The following FCHSD2 variants were observed in gnomAD, a reference collection of about 807,000 sequenced individuals.
FCHSD2 encodes the protein F-BAR and double SH3 domains protein 2.
A neutral mutation model predicts 108.1 loss-of-function variants in FCHSD2; 38 were observed. The observed-to-expected ratio is 0.35, with a 90% CI of 0.27 to 0.46. The LOEUF (loss-of-function observed/expected upper bound fraction) is 0.46, where lower values mean the gene tolerates loss of function less well. Among genes scored for constraint, FCHSD2 ranks in the 20% least tolerant of loss-of-function variants. The pLI, the probability that FCHSD2 is intolerant of heterozygous loss-of-function variation, is 1.00. For synonymous variants in FCHSD2, 279 were observed against 314.7 expected (o/e 0.89, Z 1.20); for missense variants, 751 against 897.8 (o/e 0.84, Z 2.09).
At chr11:73,005,986 C>T (rs963579150) in intron 4 of FCHSD2, among the ~76,000 whole-genome samples, 2 of 150,174 alleles carry the variant, frequency 1.3e-5, no homozygotes, top group African/African-American at 2.5e-5. Context: ...CAGCTTACTA[C>T]AGCCTCGAAC....
chr11:73,141,908 G>C lies in FCHSD2; in HGVS notation c.-31C>G, dbSNP rs538352718. 1.6e-5 allele frequency: 25 copies of C among 1,540,748 alleles called. 1 individual carries two copies. The highest frequency in any genetic ancestry group is 7.9e-5 in the Admixed American group (4 of 50,486). The stretch of plus-strand genomic sequence containing the variant: ...TGAAGGGACATCAATCCTCCCCGAC[G>C]GCAGCGTTAGCAAGGACCAGGAGGA... On this transcript the variant is annotated 5_prime_UTR_variant, in exon 1 of 20. Coordinates refer to ENST00000409418, the MANE Select transcript of FCHSD2 (RefSeq NM_014824.3).
intron 8 of FCHSD2, among the ~76,000 whole-genome samples, chr11:72,968,540 G>A (rs922315284): frequency 1.3e-5 from 2 of 152,180 alleles, no homozygotes; most frequent in African/African-American, 4.8e-5. Context: ...TTAATGGAGA[G>A]CCCTGAAGAG....
At chr11:72,851,610 G>C (rs1372375594) in intron 13 of FCHSD2, among the ~76,000 whole-genome samples, 1 of 152,108 alleles carries the variant, frequency 6.6e-6, no homozygotes, top group East Asian at 1.9e-4. Flanking sequence ...GGGCATGGTG[G>C]CATGCGCCTG....
intron 3 of FCHSD2, among the ~76,000 whole-genome samples, chr11:73,041,158 C>T (rs1411781990): frequency 1.3e-5 from 2 of 152,172 alleles, no homozygotes; most frequent in Non-Finnish European, 2.9e-5. Flanking sequence ...GATTCCATAA[C>T]TTGGCTACTA....
rs879738413 is a variant in FCHSD2, at chr11:73,119,302, C to CA, written c.119+20728dup. Reference sequence around the variant, plus strand: ...TGCACAACAGAGCGAGACTCTGCCTCAAAAAAAAAAAAAAGAATGCATATT... The same window carrying CA: ...TGCACAACAGAGCGAGACTCTGCCTCAAAAAAAAAAAAAAAGAATGCATATT... On this transcript the variant is annotated intron_variant, in intron 2 of 19. Coordinates refer to ENST00000409418, the MANE Select transcript of FCHSD2 (RefSeq NM_014824.3). Among the ~76,000 whole-genome samples, 347 of 103,888 alleles carry CA rather than the reference C, an allele frequency of 3.3e-3. 5 individuals carry two copies. The highest frequency in any genetic ancestry group is 0.02 in the East Asian group (70 of 3,496). The allele number at this position is 103,888 out of a possible 152,430, so 68.2% of individuals were successfully genotyped here. A position where few individuals can be genotyped will look rare whatever the true frequency, so the allele number is the denominator to read the frequency against.
chr11:73,114,789 CAAGATGT>C (rs752254008), intron 2 of FCHSD2, among the ~76,000 whole-genome samples: 56 of 152,058 alleles, frequency 3.7e-4, no homozygotes, highest in Non-Finnish European at 6.5e-4. Flanking sequence ...AGCTGGTATC[CAAGATGT>C]AAGATAAAAG....
In FCHSD2 at chr11:73,019,690, C is replaced by A. The variant is rs943531416; in HGVS notation, c.166-3805G>T. On this transcript the variant is annotated intron_variant, in intron 3 of 19. Coordinates refer to ENST00000409418, the MANE Select transcript of FCHSD2 (RefSeq NM_014824.3). ...TGTACTCCATGCAGCTGTTCAAGATCTAATCTGCATGGATGCTCAGACATA... is the reference window on the plus strand; with the variant it reads ...TGTACTCCATGCAGCTGTTCAAGATATAATCTGCATGGATGCTCAGACATA... Among the ~76,000 whole-genome samples the A allele has an allele frequency of 1.4e-4, 22 of 152,108 alleles. 5 individuals carry two copies. Among genetic ancestry groups the A allele is most frequent in the Admixed American group, 1.4e-3 (21 of 15,258 alleles).
chr11:73,126,342 A>AAG, intron 2 of FCHSD2, among the ~76,000 whole-genome samples: 1 of 107,594 alleles, frequency 9.3e-6, no homozygotes, highest in Non-Finnish European at 1.8e-5. Flanking sequence ...TCCATCTTAA[A>AAG]AAAAAAAAAA....
intron 8 of FCHSD2, among the ~76,000 whole-genome samples, chr11:72,956,899 C>G (rs75065749): frequency 6.6e-6 from 1 of 151,648 alleles, no homozygotes; most frequent in Admixed American, 6.6e-5. Context: ...AGGGGTGAGA[C>G]AGTTTGACAT....
intron 2 of FCHSD2, among the ~76,000 whole-genome samples, chr11:73,098,063 A>G (rs1440248176): frequency 6.6e-6 from 1 of 151,970 alleles, no homozygotes; most frequent in Non-Finnish European, 1.5e-5. Flanking sequence ...TTTCTATTCT[A>G]TATCATTTTT....
intron 8 of FCHSD2, among the ~76,000 whole-genome samples, chr11:72,924,726 G>T (rs1320266528): frequency 2.7e-5 from 4 of 147,436 alleles, no homozygotes; most frequent in Non-Finnish European, 5.9e-5. Flanking sequence ...CAAAAGCACT[G>T]AGTAATAAAG....
chr11:73,027,530 T>C (rs771286431), intron 3 of FCHSD2, among the ~76,000 whole-genome samples: 10 of 151,726 alleles, frequency 6.6e-5, no homozygotes, highest in Non-Finnish European at 1.5e-4. Context: ...GGAAGTAGAG[T>C]GTAAAAGTTT....
At chr11:72,844,172 A>G (rs2135158432) in intron 14 of FCHSD2, among the ~76,000 whole-genome samples, 1 of 152,252 alleles carries the variant, frequency 6.6e-6, no homozygotes, top group South Asian at 2.1e-4. Context: ...ATAAGCACAG[A>G]ACTGTGATGA....
chr11:72,985,027 T>C, intron 7 of FCHSD2, 35 bp downstream of exon 7: 1 of 862,878 alleles, frequency 1.2e-6, no homozygotes, highest in East Asian at 2.7e-5. Flanking sequence ...GCTAAGAGGT[T>C]TCTCAGTTGT....
intron 8 of FCHSD2, among the ~76,000 whole-genome samples, chr11:72,925,659 G>A (rs1400172598): frequency 2.0e-5 from 3 of 152,168 alleles, no homozygotes; most frequent in South Asian, 2.1e-4. Context: ...ACTGACGCAC[G>A]TATCCCAGGG....
chr11:72,958,320 C>T (rs1008421628), intron 8 of FCHSD2, among the ~76,000 whole-genome samples: 1 of 152,108 alleles, frequency 6.6e-6, no homozygotes, highest in African/African-American at 2.4e-5. Context: ...GAGTTTGAGA[C>T]CAGCCTGGCC....
At chr11:73,084,635 C>T (rs191203925) in intron 2 of FCHSD2, among the ~76,000 whole-genome samples, 38 of 152,338 alleles carry the variant, frequency 2.5e-4, no homozygotes, top group Admixed American at 2.4e-3. Flanking sequence ...TCAAAGCAAT[C>T]CTCCTGCCTT....
intron 3 of FCHSD2, among the ~76,000 whole-genome samples, chr11:73,068,972 G>A (rs962444325): frequency 8.8e-5 from 13 of 148,460 alleles, no homozygotes; most frequent in Non-Finnish European, 1.8e-4. Flanking sequence ...TCATGACTTC[G>A]CCACTGCACT....
intron 2 of FCHSD2, among the ~76,000 whole-genome samples, chr11:73,129,527 A>AGG (rs2135569756): frequency 6.6e-6 from 1 of 152,292 alleles, no homozygotes; most frequent in African/African-American, 2.4e-5. Context: ...TCCTCATGAG[A>AGG]ATCTAATGCC....
Sources: allele counts gnomAD v4.1 joint callset (sites outside exome capture counted in the v4.1 genomes callset), GRCh38; gene constraint gnomAD v4.1.1; transcripts MANE v1.5; gene names NCBI Gene and HGNC (gene_info 2026-07-23, HGNC 2026-07-21).